The following RANBP2 variants were observed in gnomAD, a reference collection of about 807,000 sequenced individuals.
The protein encoded by RANBP2 is RAN binding protein 2, also known as E3 SUMO-protein ligase RanBP2.
Under a neutral mutation model 303.6 loss-of-function variants are expected in RANBP2, and 57 were observed. The observed-to-expected ratio is 0.19, with a 90% CI of 0.15 to 0.23. The LOEUF is 0.23. RANBP2 is among the 10% of genes least tolerant of loss of function. RANBP2 has a pLI of 1.00. For missense variants in RANBP2, 3,138 were observed against 3,780.8 expected (o/e 0.83, Z 4.46); for synonymous variants, 1,167 against 1,301.5 (o/e 0.90, Z 2.23).
chr2:108,899,783 C>CA, the RANBP2 span, among the ~76,000 whole-genome samples: 1 of 152,028 alleles, frequency 6.6e-6, no homozygotes, highest in South Asian at 2.1e-4. Flanking sequence ...GTCAGGAGTT[C>CA]AAGACTAGCC....
At chr2:108,954,243 G>A in the RANBP2 span, among the ~76,000 whole-genome samples, 2 of 152,094 alleles carry the variant, frequency 1.3e-5, no homozygotes, top group African/African-American at 2.4e-5. Flanking sequence ...ATCCTGTTCC[G>A]GAGACCAGCA....
At chr2:108,876,470 C>T in the RANBP2 span, 10 of 327,994 alleles carry the variant, frequency 3.0e-5, no homozygotes, top group Non-Finnish European at 4.9e-5. Flanking sequence ...TACAAGATGG[C>T]GTTTCTAGAA....
chr2:108,810,472 A>G, the RANBP2 span, among the ~76,000 whole-genome samples: 1 of 151,972 alleles, frequency 6.6e-6, no homozygotes, highest in Non-Finnish European at 1.5e-5. Context: ...ACATTTTTTT[A>G]TTTGCATATT....
chr2:109,013,070 A>G, the RANBP2 span, among the ~76,000 whole-genome samples: 1 of 152,182 alleles, frequency 6.6e-6, no homozygotes, highest in Non-Finnish European at 1.5e-5. Flanking sequence ...CACCTTATTT[A>G]AGATTTTGCA....
chr2:108,951,316 C>T, the RANBP2 span, among the ~76,000 whole-genome samples: 1 of 152,172 alleles, frequency 6.6e-6, no homozygotes, highest in Non-Finnish European at 1.5e-5. Context: ...ATTGAAGAAA[C>T]TCTGAACTTA....
At chr2:109,057,221 TA>T in the RANBP2 span, among the ~76,000 whole-genome samples, 1 of 152,212 alleles carries the variant, frequency 6.6e-6, no homozygotes, top group African/African-American at 2.4e-5. Context: ...GTGTCCCCCA[TA>T]AATCCACGGC....
At chr2:109,483,657 T>G in the RANBP2 span, among the ~76,000 whole-genome samples, 1 of 152,210 alleles carries the variant, frequency 6.6e-6, no homozygotes, top group Non-Finnish European at 1.5e-5. Flanking sequence ...TGGTATAAAG[T>G]CAAGGCTGGA....
At chr2:109,565,834 C>T in the RANBP2 span, 1 of 1,614,084 alleles carries the variant, frequency 6.2e-7, no homozygotes, top group Non-Finnish European at 8.5e-7. Context: ...ATCCATACTT[C>T]CCACAACAGC....
chr2:109,592,193 G>T, the RANBP2 span, among the ~76,000 whole-genome samples: 3 of 152,038 alleles, frequency 2.0e-5, no homozygotes, highest in African/African-American at 7.2e-5. Context: ...GGCCGGGCGT[G>T]GTGGCTCACG....
the RANBP2 span, among the ~76,000 whole-genome samples, chr2:109,178,019 T>C: frequency 6.6e-6 from 1 of 152,210 alleles, no homozygotes; most frequent in African/African-American, 2.4e-5. Flanking sequence ...CCTAAATCTT[T>C]TCTCCCAATT....
the RANBP2 span, chr2:108,885,041 ACTGAGAGATG>A: frequency 2.0e-5 from 3 of 152,230 alleles, no homozygotes; most frequent in Admixed American, 6.5e-5. Context: ...GAGAATTAAT[ACTGAGAGATG>A]CTAAAGGAGA....
chr2:109,131,958 C>T, the RANBP2 span, among the ~76,000 whole-genome samples: 2 of 152,294 alleles, frequency 1.3e-5, no homozygotes, highest in South Asian at 2.1e-4. Context: ...AGCATTAGGT[C>T]CAGCACATGC....
At chr2:109,499,048 C>T in the RANBP2 span, among the ~76,000 whole-genome samples, 2 of 152,156 alleles carry the variant, frequency 1.3e-5, no homozygotes, top group Non-Finnish European at 2.9e-5. Flanking sequence ...CTGCTGGAGC[C>T]CTCTGAGCCT....
the RANBP2 span, among the ~76,000 whole-genome samples, chr2:109,007,806 C>T: frequency 3.9e-5 from 6 of 152,180 alleles, no homozygotes; most frequent in African/African-American, 1.2e-4. Context: ...GATTGGTACT[C>T]TGATCTGTTG....
the RANBP2 span, among the ~76,000 whole-genome samples, chr2:108,855,525 T>A: frequency 6.6e-6 from 1 of 152,064 alleles, no homozygotes; most frequent in Non-Finnish European, 1.5e-5. Flanking sequence ...AAGGCAAGTC[T>A]GAACAGAATC....
the RANBP2 span, among the ~76,000 whole-genome samples, chr2:109,742,435 C>A: frequency 2.6e-5 from 3 of 117,646 alleles, 1 homozygote; most frequent in African/African-American, 1.2e-4. Context: ...AAAACAAAAA[C>A]AAAAACAAAC....
At chr2:109,728,461 T>A in the RANBP2 span, among the ~76,000 whole-genome samples, 25 of 152,080 alleles carry the variant, frequency 1.6e-4, no homozygotes, top group East Asian at 2.9e-3. Context: ...AAATTTATTT[T>A]TTTTTATTTT....
chr2:109,089,628 A>T, the RANBP2 span, among the ~76,000 whole-genome samples: 1 of 151,930 alleles, frequency 6.6e-6, no homozygotes, highest in Admixed American at 6.6e-5. Context: ...AGAACAAAAA[A>T]CCTGGTGGGG....
Position 108,754,972 on chromosome 2 carries a change from G to C in RANBP2, c.2270G>C (p.Ser757Thr), listed in dbSNP as rs1280801836. 3 of 1,611,826 alleles carry C rather than the reference G, an allele frequency of 1.9e-6. No individual in the cohort carries two copies. Among genetic ancestry groups the C allele is most frequent in the Non-Finnish European group, 2.5e-6 (3 of 1,179,810 alleles). The stretch of plus-strand genomic sequence containing the variant: ...GTCATGCAGGAACTCGAAGACTATA[G>C]TGAAGGAGGTCCTCTCTATAAAAAT... ...NSVMQELEDYSEGGPLYKNGS... is the reference protein window; with the variant it reads ...NSVMQELEDYTEGGPLYKNGS... Residue 757 changes from serine (S) to threonine (T), a missense_variant, in exon 16 of 29, where the codon AGT becomes ACT. Around this residue, in one of 20 missense-constraint regions of RANBP2, gnomAD observed 194 missense variants for 197.4 expected, o/e 0.98. Coordinates refer to ENST00000283195, the MANE Select transcript of RANBP2 (RefSeq NM_006267.5).
Sources: gnomAD v4.1 joint callset for allele counts (sites outside exome capture counted in the v4.1 genomes callset) on GRCh38, gnomAD v4.1.1 for gene constraint, gnomAD v4.1.1 regional missense constraint, MANE v1.5 for transcripts, NCBI Gene and HGNC (gene_info 2026-07-23, HGNC 2026-07-21) for gene names.